ST6GALNAC5: variants seen among roughly 807,000 people sequenced by gnomAD.
ST6GALNAC5 encodes ST6 N-acetylgalactosaminide alpha-2,6-sialyltransferase 5.
ST6GALNAC5 carries 27 observed loss-of-function variants against 33.6 expected under a neutral mutation model. The ratio of observed to expected loss-of-function variants is 0.80; its 90% CI spans 0.59 to 1.11. The LOEUF (loss-of-function observed/expected upper bound fraction) is 1.11, where lower values mean the gene tolerates loss of function less well. Among genes scored for constraint, ST6GALNAC5 ranks in the 50% least tolerant of loss-of-function variants. The probability of loss-of-function intolerance (pLI) is 0.00; values close to 1 mark genes in which losing one functional copy is unlikely to be tolerated. For missense variants in ST6GALNAC5, 428 were observed against 454.0 expected, an observed-to-expected ratio of 0.94 and a Z score of 0.52; for synonymous variants, 194 against 171.2, an observed-to-expected ratio of 1.13 and a Z score of -1.04.
intron 2 of ST6GALNAC5, among the ~76,000 whole-genome samples, chr1:76,968,947 C>T (rs954054844): frequency 6.6e-6 from 1 of 152,178 alleles, no homozygotes; most frequent in African/African-American, 2.4e-5. Context: ...GCCAAGAAAT[C>T]CACTGTTACA....
chr1:76,872,096 CACACACACACACACACACACACCA>C (rs144685811), intron 2 of ST6GALNAC5, among the ~76,000 whole-genome samples: 2,500 of 143,460 alleles, frequency 0.017, 28 homozygotes, highest in Middle Eastern at 0.028. Flanking sequence ...CACACACACA[CACACACACACACACACACACACCA>C]CACACATTAA....
At chr1:76,933,763 C>CAAAAAAAAAAAAAAAAAAAA (rs35621324) in intron 2 of ST6GALNAC5, among the ~76,000 whole-genome samples, 1 of 67,618 alleles carries the variant, frequency 1.5e-5, no homozygotes. Flanking sequence ...TTTTCTCTGC[C>CAAAAAAAAAAAAAAAAAAAA]AAAAAAAAAA....
At chr1:76,923,281 G>T (rs998465267) in intron 2 of ST6GALNAC5, among the ~76,000 whole-genome samples, 13 of 146,488 alleles carry the variant, frequency 8.9e-5, no homozygotes, top group African/African-American at 2.8e-4. Flanking sequence ...ATTACCTAAT[G>T]AAAAAAAAAA....
At chr1:77,002,399 T>A (rs1286305658) in intron 2 of ST6GALNAC5, among the ~76,000 whole-genome samples, 1 of 152,196 alleles carries the variant, frequency 6.6e-6, no homozygotes, top group Non-Finnish European at 1.5e-5. Flanking sequence ...TTATTAGTCT[T>A]GATAGCGGTC....
At chr1:77,006,689 TGTCA>T (rs1243287765) in intron 2 of ST6GALNAC5, among the ~76,000 whole-genome samples, 3 of 152,188 alleles carry the variant, frequency 2.0e-5, no homozygotes, top group South Asian at 4.1e-4. Context: ...AACATTTATT[TGTCA>T]GTTACCTATT....
intron 2 of ST6GALNAC5, among the ~76,000 whole-genome samples, chr1:76,968,169 A>AT (rs1406981709): frequency 6.6e-6 from 1 of 152,090 alleles, no homozygotes; most frequent in Non-Finnish European, 1.5e-5. Context: ...TCTGTCTAAT[A>AT]TTGATAGTGG....
intron 2 of ST6GALNAC5, among the ~76,000 whole-genome samples, chr1:77,011,362 G>A (rs1004517205): frequency 6.6e-6 from 1 of 152,182 alleles, no homozygotes; most frequent in East Asian, 1.9e-4. Flanking sequence ...GCTGAAGGCA[G>A]CACCATCTTA....
intron 4 of ST6GALNAC5, among the ~76,000 whole-genome samples, 161 bp from the exon 5 acceptor site, chr1:77,062,814 C>T (rs1013411165): frequency 1.7e-4 from 26 of 152,250 alleles, no homozygotes; most frequent in South Asian, 2.1e-4. Context: ...CTCAAAACCT[C>T]TCCACTTCCT....
chr1:77,016,450 A>G (rs996721586), intron 2 of ST6GALNAC5, among the ~76,000 whole-genome samples: 6 of 151,942 alleles, frequency 3.9e-5, no homozygotes, highest in African/African-American at 1.5e-4. Context: ...CCTTTCGGTC[A>G]CTGTCAAGCA....
At chr1:76,869,082 G>C (rs1224032118) in intron 2 of ST6GALNAC5, 1 of 248,826 alleles carries the variant, frequency 4.0e-6, no homozygotes, top group Non-Finnish European at 7.6e-6. Context: ...CCGCCGAGTC[G>C]CTGCCTGGTG....
Position 77,063,148 on chromosome 1 carries a change from C to A in ST6GALNAC5, c.953C>A (p.Pro318Gln). The change falls in exon 5 of 5, where the codon CCA (proline) becomes CAA (glutamine). Residue 318 changes from proline (P) to glutamine (Q), a missense_variant. Coordinates refer to ENST00000477717, the MANE Select transcript of ST6GALNAC5 (RefSeq NM_030965.3). ...ARTFNIHFFQ[P>Q]DWKPESLAIN... ...ACATTCAATATTCACTTTTTTCAAC[C>A]AGACTGGAAACCAGAATCACTTGCT... The A allele has an allele frequency of 6.2e-7, 1 of 1,613,754 alleles. No individual in the cohort carries two copies. Among genetic ancestry groups the A allele is most frequent in the Middle Eastern group, 1.6e-4 (1 of 6,062 alleles).
chr1:77,062,242 A>G (rs1250250174), intron 4 of ST6GALNAC5, among the ~76,000 whole-genome samples: 1 of 152,184 alleles, frequency 6.6e-6, no homozygotes, highest in Non-Finnish European at 1.5e-5. Flanking sequence ...AAACAAGTAA[A>G]CAGCAACAAC....
At chr1:77,062,935 T>G in intron 4 of ST6GALNAC5, 40 bp from the exon 5 acceptor site, 1 of 1,553,090 alleles carries the variant, frequency 6.4e-7, no homozygotes, top group East Asian at 2.3e-5. Context: ...GGAAAAAAAA[T>G]TTTTTTGCTT....
rs945856334 is a variant in ST6GALNAC5 at position 76,983,079 on chromosome 1, G to A, written c.262-61125G>A. 2.6e-4 allele frequency among the ~76,000 whole-genome samples: 39 copies of A among 151,202 alleles called. 1 individual carries two copies. Among genetic ancestry groups the A allele is most frequent in the East Asian group, 6.7e-4 (3 of 4,474 alleles). Reference sequence around the variant, plus strand: ...AATATGCCAAATTGTAAAGACCATCGATGCTAGGAAGAAACTGCATCAATT... The same window carrying A: ...AATATGCCAAATTGTAAAGACCATCAATGCTAGGAAGAAACTGCATCAATT... On this transcript the variant is annotated intron_variant, in intron 2 of 4. Transcript: ENST00000477717.
intron 2 of ST6GALNAC5, among the ~76,000 whole-genome samples, chr1:76,971,800 G>A (rs900590283): frequency 7.2e-5 from 11 of 152,110 alleles, no homozygotes; most frequent in African/African-American, 2.7e-4. Context: ...CACTGACTCA[G>A]TATCACTTTC....
intron 2 of ST6GALNAC5, among the ~76,000 whole-genome samples, chr1:76,953,586 G>T (rs754514019): frequency 6.6e-6 from 1 of 152,030 alleles, no homozygotes; most frequent in Non-Finnish European, 1.5e-5. Flanking sequence ...AAATTTGTCA[G>T]ATATATGGTT....
At chr1:76,993,663 G>C (rs996333024) in intron 2 of ST6GALNAC5, among the ~76,000 whole-genome samples, 34 of 152,102 alleles carry the variant, frequency 2.2e-4, no homozygotes, top group African/African-American at 7.7e-4. Context: ...AATTTGCAAA[G>C]CCCGACTCTG....
intron 2 of ST6GALNAC5, among the ~76,000 whole-genome samples, chr1:76,883,243 A>T (rs1331340339): frequency 6.6e-6 from 1 of 152,204 alleles, no homozygotes; most frequent in Non-Finnish European, 1.5e-5. Flanking sequence ...TATCTTACAC[A>T]TGCTTCTGAT....
intron 2 of ST6GALNAC5, among the ~76,000 whole-genome samples, chr1:76,886,028 A>ATTT (rs1653885478): frequency 6.6e-6 from 1 of 152,188 alleles, no homozygotes; most frequent in African/African-American, 2.4e-5. Context: ...GTACATATGC[A>ATTT]GCCTCACGTT....
Sources: gnomAD v4.1 joint callset for allele counts (sites outside exome capture counted in the v4.1 genomes callset) on GRCh38, gnomAD v4.1.1 for gene constraint, MANE v1.5 for transcripts, NCBI Gene and HGNC (gene_info 2026-07-23, HGNC 2026-07-21) for gene names.